STON2: variants seen among roughly 807,000 people sequenced by gnomAD.
The protein encoded by STON2 is stonin-2.
Under a neutral mutation model 65.7 loss-of-function variants are expected in STON2, and 29 were observed. The observed-to-expected ratio is 0.44, with a 90% CI of 0.33 to 0.60. The LOEUF (loss-of-function observed/expected upper bound fraction) is 0.60, where lower values mean the gene tolerates loss of function less well. Among genes scored for constraint, STON2 ranks in the 20% least tolerant of loss-of-function variants. The probability of loss-of-function intolerance (pLI) is 0.03; values close to 1 mark genes in which losing one functional copy is unlikely to be tolerated. For missense variants in STON2, 1,054 were observed against 1,118.1 expected (o/e 0.94, Z 0.82); for synonymous variants, 404 against 414.2 (o/e 0.98, Z 0.30).
intron 1 of STON2, among the ~76,000 whole-genome samples, chr14:81,430,667 A>G (rs1902191807): frequency 6.6e-6 from 1 of 152,192 alleles, no homozygotes; most frequent in Admixed American, 6.5e-5. Context: ...TTGTTACTGC[A>G]TTTCAGAAAG....
chr14:81,379,799 A>C (rs1899426908), intron 3 of STON2, among the ~76,000 whole-genome samples: 2 of 152,238 alleles, frequency 1.3e-5, no homozygotes, highest in Admixed American at 6.5e-5. Context: ...CATTTGCAGA[A>C]GATTGAAAGT....
At chr14:81,393,682 C>T (rs1900184811) in intron 3 of STON2, among the ~76,000 whole-genome samples, 1 of 152,188 alleles carries the variant, frequency 6.6e-6, no homozygotes, top group Non-Finnish European at 1.5e-5. Flanking sequence ...GAAACTGAGA[C>T]AATAAGTATG....
At chr14:81,283,984 T>A (rs546296347) in intron 5 of STON2, among the ~76,000 whole-genome samples, 22 of 152,326 alleles carry the variant, frequency 1.4e-4, no homozygotes, top group African/African-American at 5.3e-4. Context: ...GTTACAGTGA[T>A]CTGTGATCTT....
chr14:81,381,092 TTAAAA>T (rs1180400809), intron 3 of STON2, among the ~76,000 whole-genome samples: 1 of 152,180 alleles, frequency 6.6e-6, no homozygotes, highest in East Asian at 1.9e-4. Flanking sequence ...AGTATTCATG[TTAAAA>T]TAAACAACAA....
In STON2 at chr14:81,413,101, G is replaced by C; in HGVS notation, c.-199+14001C>G. 1.7e-6 allele frequency: 2 copies of C among 1,163,404 alleles called. 1 individual carries two copies. The allele number at this position is 1,163,404 out of a possible 1,614,324, so 72.1% of individuals were successfully genotyped here. ...GGAACACTGTGGCTCATATCAAGAA[G>C]GAATGTGACAAGAAGTACAATCCCA... On this transcript the variant is annotated intron_variant, in intron 2 of 8. Coordinates refer to the STON2 transcript ENST00000553821.
At position 81,267,039 on chromosome 14, in the gene STON2, A is replaced by T. The variant is rs1297119125; in HGVS notation, c.*1375T>A. On this transcript the variant is annotated 3_prime_UTR_variant, in exon 8 of 8. Coordinates refer to ENST00000614646, the MANE Select transcript of STON2 (RefSeq NM_001394390.1). ...TTGTTCATTGAATACATTAATCTTG[A>T]ATCCATCAGCCAAAAACTGGAGATA... 1.0e-6 allele frequency: 1 copy of T among 985,312 alleles called. No individual in the cohort carries two copies. Among genetic ancestry groups the T allele is most frequent in the African/African-American group, 1.7e-5 (1 of 57,238 alleles). The allele number at this position is 985,312 out of a possible 1,614,324, so 61.0% of individuals were successfully genotyped here. A position where few individuals can be genotyped will look rare whatever the true frequency, so the allele number is the denominator to read the frequency against.
chr14:81,419,276 G>A (rs1301205975), intron 2 of STON2, among the ~76,000 whole-genome samples: 1 of 152,118 alleles, frequency 6.6e-6, no homozygotes, highest in Non-Finnish European at 1.5e-5. Flanking sequence ...TTTTCCAGAT[G>A]AGGAAACTAA....
intron 4 of STON2, among the ~76,000 whole-genome samples, chr14:81,363,045 CTG>C (rs1898565004): frequency 6.6e-6 from 1 of 152,204 alleles, no homozygotes; most frequent in Non-Finnish European, 1.5e-5. Context: ...CAGCAAGCGA[CTG>C]TGTTCACAAA....
At chr14:81,373,520 C>T (rs1489192318) in intron 3 of STON2, among the ~76,000 whole-genome samples, 2 of 152,084 alleles carry the variant, frequency 1.3e-5, no homozygotes, top group African/African-American at 4.8e-5. Context: ...ATTTAAAATG[C>T]ATCACACGGT....
rs759967472 is a variant in STON2, at chr14:81,277,997, T to C, written c.1485A>G (p.Lys495=). Residue 495 remains lysine, a synonymous_variant, in exon 6 of 8, where the codon AAA becomes AAG. Transcript: ENST00000614646. ...WPMMLRIPEK[K]NIMSSRHWGP... is the part of the protein sequence containing the mutation. The stretch of plus-strand genomic sequence containing the variant: ...CCCAGTGCCTGGAGGACATGATGTT[T>C]TTCTTCTCAGGGATCCTCAACATCA... 2 of 1,614,158 alleles carry C rather than the reference T, an allele frequency of 1.2e-6. No homozygotes were observed. Among genetic ancestry groups the C allele is most frequent in the Non-Finnish European group, 8.5e-7 (1 of 1,180,038 alleles).
chr14:81,302,594 T>A (rs1896008607), intron 5 of STON2, among the ~76,000 whole-genome samples: 1 of 152,240 alleles, frequency 6.6e-6, no homozygotes, highest in Non-Finnish European at 1.5e-5. Context: ...TGGCAACTTC[T>A]GCTAATACAC....
At chr14:81,423,391 C>T (rs1434276934) in intron 2 of STON2, among the ~76,000 whole-genome samples, 1 of 152,210 alleles carries the variant, frequency 6.6e-6, no homozygotes, top group East Asian at 1.9e-4. Context: ...TTCACAGACA[C>T]ACTTCTCAAA....
At chr14:81,344,330 T>C (rs1295837698) in intron 4 of STON2, among the ~76,000 whole-genome samples, 1 of 152,182 alleles carries the variant, frequency 6.6e-6, no homozygotes, top group African/African-American at 2.4e-5. Flanking sequence ...ATAACCACTA[T>C]TAGCAGTTTG....
intron 5 of STON2, among the ~76,000 whole-genome samples, chr14:81,293,451 CG>C (rs975685648): frequency 7.2e-5 from 11 of 152,198 alleles, no homozygotes; most frequent in African/African-American, 2.4e-4. Context: ...GGATTACAGG[CG>C]TGAGTCACCA....
intron 4 of STON2, among the ~76,000 whole-genome samples, chr14:81,361,049 G>A (rs1402745515): frequency 6.6e-6 from 1 of 152,110 alleles, no homozygotes. Context: ...AATTCATACT[G>A]TTAAAATGAC....
intron 5 of STON2, among the ~76,000 whole-genome samples, chr14:81,307,298 T>C (rs1896219735): frequency 6.6e-6 from 1 of 152,222 alleles, no homozygotes; most frequent in South Asian, 2.1e-4. Context: ...ACGGTCAGTG[T>C]TGTCTTCAGC....
chr14:81,351,551 C>T (rs548229905), intron 4 of STON2, among the ~76,000 whole-genome samples: 1 of 152,316 alleles, frequency 6.6e-6, no homozygotes, highest in African/African-American at 2.4e-5. Context: ...GATCTTATAT[C>T]ATCAGTAGGA....
At chr14:81,308,781 C>CATATATATATAT (rs57821672) in intron 5 of STON2, among the ~76,000 whole-genome samples, 83 of 8,760 alleles carry the variant, frequency 9.5e-3, no homozygotes, top group East Asian at 0.012. Flanking sequence ...TGGTTTTACC[C>CATATATATATAT]ATATATATAT....
chr14:81,346,546 G>A (rs1897817099), intron 4 of STON2, among the ~76,000 whole-genome samples: 2 of 152,240 alleles, frequency 1.3e-5, no homozygotes, highest in East Asian at 1.9e-4. Context: ...AAAAAAAGAA[G>A]TGGATTTAAA....
Sources: gnomAD v4.1 joint callset for allele counts (sites outside exome capture counted in the v4.1 genomes callset) on GRCh38, gnomAD v4.1.1 for gene constraint, MANE v1.5 for transcripts, NCBI Gene and HGNC (gene_info 2026-07-23, HGNC 2026-07-21) for gene names.